The following AKAP19 variants were observed in gnomAD, a reference collection of about 807,000 sequenced individuals.
AKAP19 encodes A-kinase anchoring protein 19.
the AKAP19 span, among the ~76,000 whole-genome samples, chr2:190,192,450 ATCTGTG>A: frequency 2.3e-4 from 22 of 93,786 alleles, no homozygotes; most frequent in South Asian, 1.2e-3. Context: ...ATAATTCAGA[ATCTGTG>A]TGTGTGTGTG....
chr2:190,113,047 C>T, the AKAP19 span, among the ~76,000 whole-genome samples: 489 of 151,990 alleles, frequency 3.2e-3, 4 homozygotes, highest in Non-Finnish European at 4.9e-3. Flanking sequence ...TTCTAAAACT[C>T]GTTTCTGTTT....
At chr2:190,005,422 A>G in the AKAP19 span, among the ~76,000 whole-genome samples, 9 of 152,158 alleles carry the variant, frequency 5.9e-5, no homozygotes, top group African/African-American at 2.2e-4. Context: ...TGATTGGTGC[A>G]TTTACAATCC....
chr2:189,881,472 G>A, the AKAP19 span, among the ~76,000 whole-genome samples: 2 of 152,254 alleles, frequency 1.3e-5, no homozygotes, highest in Admixed American at 6.5e-5. Flanking sequence ...GAAAATAAGG[G>A]GAGGAAGGCA....
chr2:190,073,725 G>T, the AKAP19 span, among the ~76,000 whole-genome samples: 1 of 151,704 alleles, frequency 6.6e-6, no homozygotes, highest in Non-Finnish European at 1.5e-5. Context: ...CTTTACCCTG[G>T]TTGTACATTA....
At chr2:189,987,361 C>A in the AKAP19 span, among the ~76,000 whole-genome samples, 653 of 152,282 alleles carry the variant, frequency 4.3e-3, 7 homozygotes, top group African/African-American at 0.015. Context: ...ACCTCTTTTT[C>A]TTTCCAGTCT....
the AKAP19 span, among the ~76,000 whole-genome samples, chr2:190,160,337 GA>G: frequency 2.7e-5 from 3 of 112,528 alleles, no homozygotes; most frequent in Non-Finnish European, 4.2e-5. Context: ...CTTAGAATAA[GA>G]TTTTTTTTTT....
At chr2:189,999,297 A>C in the AKAP19 span, among the ~76,000 whole-genome samples, 46 of 151,990 alleles carry the variant, frequency 3.0e-4, no homozygotes, top group Non-Finnish European at 6.5e-4. Flanking sequence ...TTATTTCAAG[A>C]TATTTGCTAA....
chr2:190,191,262 C>G, the AKAP19 span, among the ~76,000 whole-genome samples: 1 of 152,108 alleles, frequency 6.6e-6, no homozygotes, highest in East Asian at 1.9e-4. Flanking sequence ...CATGCCTCAG[C>G]CTCCCAAGCA....
the AKAP19 span, among the ~76,000 whole-genome samples, chr2:189,908,923 T>C: frequency 0.019 from 2,866 of 152,268 alleles, 101 homozygotes; most frequent in African/African-American, 0.065. Flanking sequence ...ATTTTCTGTC[T>C]GGATGACCTA....
the AKAP19 span, among the ~76,000 whole-genome samples, chr2:190,135,376 T>G: frequency 6.6e-6 from 1 of 152,188 alleles, no homozygotes; most frequent in Admixed American, 6.5e-5. Context: ...CTATACCTAT[T>G]CAATAAGAAT....
At chr2:190,180,061 AAC>A in the AKAP19 span, among the ~76,000 whole-genome samples, 1 of 152,362 alleles carries the variant, frequency 6.6e-6, no homozygotes, top group South Asian at 2.1e-4. This position sits in a 1 kb window ranked among gnomAD's most constrained non-coding sequence, Gnocchi z 6.8. Flanking sequence ...TTGAAAGAGA[AAC>A]ACGCTTGGAA....
chr2:189,985,906 G>A, the AKAP19 span, among the ~76,000 whole-genome samples: 3 of 152,008 alleles, frequency 2.0e-5, no homozygotes, highest in South Asian at 4.1e-4. Context: ...AACAAACATT[G>A]TATAAAAATA....
At chr2:190,100,980 T>C in the AKAP19 span, among the ~76,000 whole-genome samples, 2 of 152,172 alleles carry the variant, frequency 1.3e-5, no homozygotes, top group Non-Finnish European at 2.9e-5. Flanking sequence ...AAGAAAACTT[T>C]GTTCCTCCCA....
chr2:190,004,644 A>T, the AKAP19 span, among the ~76,000 whole-genome samples: 101 of 150,382 alleles, frequency 6.7e-4, 1 homozygote, highest in South Asian at 0.021. Context: ...CACCTGGTTT[A>T]TGTTCTCATC....
chr2:190,118,147 C>A, the AKAP19 span, among the ~76,000 whole-genome samples: 6 of 152,156 alleles, frequency 3.9e-5, 1 homozygote, highest in Admixed American at 3.9e-4. Context: ...GACACATACA[C>A]CCTCCCAAGA....
chr2:189,956,124 T>C, the AKAP19 span, among the ~76,000 whole-genome samples: 2 of 151,878 alleles, frequency 1.3e-5, no homozygotes. Context: ...CATTTTCAAA[T>C]GATAATGCTC....
the AKAP19 span, among the ~76,000 whole-genome samples, chr2:189,989,552 T>C: frequency 1.3e-5 from 2 of 151,822 alleles, no homozygotes; most frequent in African/African-American, 4.8e-5. Context: ...CAAAATGTTC[T>C]GTCAGAACAT....
chr2:189,991,410 C>T, the AKAP19 span, among the ~76,000 whole-genome samples: 1 of 152,046 alleles, frequency 6.6e-6, no homozygotes, highest in African/African-American at 2.4e-5. Flanking sequence ...AAGGTAGTAT[C>T]TCATTGTAGT....
chr2:190,123,097 C>G, the AKAP19 span, among the ~76,000 whole-genome samples: 43,408 of 151,922 alleles, frequency 0.29, 6,332 homozygotes, highest in Middle Eastern at 0.34. Context: ...CTAGCATGAG[C>G]CCCCCACACA....
Sources: gnomAD v4.1 joint callset for allele counts (sites outside exome capture counted in the v4.1 genomes callset) on GRCh38, gnomAD v4.1.1 for gene constraint, Gnocchi (gnomAD v3.1) non-coding constraint, MANE v1.5 for transcripts, NCBI Gene and HGNC (gene_info 2026-07-23, HGNC 2026-07-21) for gene names.